MYOM2: variants seen among roughly 807,000 people sequenced by gnomAD.
MYOM2 encodes myomesin-2.
MYOM2 carries 254 observed loss-of-function variants against 187.6 expected under a neutral mutation model. The ratio of observed to expected loss-of-function variants is 1.35; its 90% CI spans 1.22 to 1.50. The LOEUF (loss-of-function observed/expected upper bound fraction) is 1.50. Ranked by LOEUF, MYOM2 falls within the 40% of genes most tolerant of loss-of-function variation. MYOM2 has a pLI of 0.00. For synonymous variants in MYOM2, 981 were observed against 753.8 expected (o/e 1.30, Z -4.94); for missense variants, 2,796 against 1,924.0 (o/e 1.45, Z -8.48).
chr8:2,124,297 A>T (rs977209164), intron 31 of MYOM2, 80 bp downstream of exon 31: 3 of 1,396,222 alleles, frequency 2.1e-6, no homozygotes, highest in Admixed American at 1.9e-5. Context: ...CACTGCTGCA[A>T]AAGAGGGCAC....
chr8:2,074,483 A>C (rs1450146275), intron 10 of MYOM2, among the ~76,000 whole-genome samples: 1 of 151,898 alleles, frequency 6.6e-6, no homozygotes, highest in Non-Finnish European at 1.5e-5. Flanking sequence ...GAGATGGATT[A>C]ACACTCTGTC....
intron 8 of MYOM2, among the ~76,000 whole-genome samples, chr8:2,070,916 G>A (rs1046116746): frequency 6.6e-6 from 1 of 152,074 alleles, no homozygotes; most frequent in Non-Finnish European, 1.5e-5. Flanking sequence ...GCTCCTGCCC[G>A]TCTCCCACAC....
At position 2,069,864 on chromosome 8, in the gene MYOM2, C is replaced by T. The variant is rs149281521; in HGVS notation, c.793+367C>T. Among the ~76,000 whole-genome samples the T allele has an allele frequency of 7.8e-3, 1,187 of 152,328 alleles. 20 individuals carry two copies. Among genetic ancestry groups the T allele is most frequent in the African/African-American group, 0.027 (1,105 of 41,584 alleles). On this transcript the variant is annotated intron_variant, in intron 8 of 36. Coordinates refer to ENST00000262113, the MANE Select transcript of MYOM2 (RefSeq NM_003970.4). Reference sequence around the variant, plus strand: ...TTTTTGAACTGGAAAAAAAGAGACACATCCAAATTCTTGACCTGAATGCAT... The same window carrying T: ...TTTTTGAACTGGAAAAAAAGAGACATATCCAAATTCTTGACCTGAATGCAT...
intron 36 of MYOM2, 127 bp downstream of exon 36, chr8:2,143,583 A>T: frequency 1.7e-6 from 2 of 1,151,694 alleles, no homozygotes; most frequent in Non-Finnish European, 2.6e-6. Context: ...CCTGCAGGGA[A>T]CCCAGAGTCC....
intron 8 of MYOM2, among the ~76,000 whole-genome samples, chr8:2,070,293 C>T (rs1446309117): frequency 6.6e-6 from 1 of 152,278 alleles, no homozygotes; most frequent in East Asian, 1.9e-4. Context: ...CTTAGTTGCT[C>T]TGGGCCACGT....
rs763685283 is a variant in MYOM2, at chr8:2,124,178, G to T, written c.3656-1G>T. ...TGGTGCGTATCCCTTCTCATTTTCA[G>T]TGTATGATGATATGATTTTGGCAAT... On this transcript the variant is annotated splice_acceptor_variant, in intron 30 of 36. Transcript: ENST00000262113. LOFTEE classifies it high-confidence loss of function. 6.2e-7 allele frequency: 1 copy of T among 1,612,248 alleles called. No individual in the cohort carries two copies. The highest frequency in any genetic ancestry group is 8.5e-7 in the Non-Finnish European group (1 of 1,178,910).
At chr8:2,116,335 G>C in intron 27 of MYOM2, 60 bp downstream of exon 27, 3 of 1,488,686 alleles carry the variant, frequency 2.0e-6, no homozygotes, top group Middle Eastern at 1.7e-4. Context: ...GATGATTGGA[G>C]TATTTGTCAG....
In MYOM2 at chr8:2,078,916, A is replaced by T. The variant is rs1461774100; in HGVS notation, c.1445A>T (p.Asp482Val). The change falls in exon 12 of 37, where the codon GAC becomes GTC. Residue 482 changes from aspartate to valine, a missense_variant. By Grantham distance (152) the Asp-to-Val change is radical (BLOSUM62 -3). Coordinates refer to ENST00000262113, the MANE Select transcript of MYOM2 (RefSeq NM_003970.4). ...SDAVAALDPL[D>V]LRRLQAVHLE... ...GCGGTGGCTGCACTTGACCCCTTGGACCTCAGAAGGTTACAAGGTAAGCTG... is the reference window on the plus strand; with the variant it reads ...GCGGTGGCTGCACTTGACCCCTTGGTCCTCAGAAGGTTACAAGGTAAGCTG... The T allele has an allele frequency of 6.2e-7, 1 of 1,613,820 alleles. No homozygotes were observed. The highest frequency in any genetic ancestry group is 1.7e-5 in the Admixed American group (1 of 60,018).
At chr8:2,085,447 A>C (rs59220531) in intron 14 of MYOM2, 57 bp downstream of exon 14, 5 of 1,342,780 alleles carry the variant, frequency 3.7e-6, no homozygotes, top group African/African-American at 2.3e-5. Context: ...CCCCACTGTC[A>C]TGATCTCTGC....
At chr8:2,114,252 C>G (rs1191732878) in intron 25 of MYOM2, among the ~76,000 whole-genome samples, 1 of 152,204 alleles carries the variant, frequency 6.6e-6, no homozygotes, top group African/African-American at 2.4e-5. Flanking sequence ...ATCACCAAAG[C>G]AGCAGAGAGG....
chr8:2,131,622 C>T (rs1797871075), intron 32 of MYOM2, among the ~76,000 whole-genome samples: 2 of 149,180 alleles, frequency 1.3e-5, no homozygotes, highest in Non-Finnish European at 3.0e-5. Flanking sequence ...ATTCATTATA[C>T]AACAAAACAG....
chr8:2,055,981 G>T (rs973913419), intron 3 of MYOM2, among the ~76,000 whole-genome samples: 1 of 152,118 alleles, frequency 6.6e-6, no homozygotes, highest in East Asian at 1.9e-4. Context: ...TTCCCAGGCC[G>T]TCTGTGCAGC....
intron 32 of MYOM2, among the ~76,000 whole-genome samples, chr8:2,138,423 G>A (rs117690790): frequency 0.028 from 4,223 of 152,270 alleles, 60 homozygotes; most frequent in Middle Eastern, 0.048. Context: ...GGTCAGCAAC[G>A]TATAGAATTC....
chr8:2,118,176 G>A (rs1797310731), intron 28 of MYOM2, among the ~76,000 whole-genome samples: 1 of 152,098 alleles, frequency 6.6e-6, no homozygotes, highest in Admixed American at 6.6e-5. Context: ...ACAGTGTAGT[G>A]GGATGCAATG....
At chr8:2,081,049 C>T (rs1236043998) in intron 13 of MYOM2, among the ~76,000 whole-genome samples, 2 of 142,476 alleles carry the variant, frequency 1.4e-5, no homozygotes, top group African/African-American at 2.7e-5. Context: ...CAGCCCAGCC[C>T]GTGCAGAATG....
chr8:2,128,124 G>T (rs1322030192), intron 31 of MYOM2, among the ~76,000 whole-genome samples: 1 of 152,002 alleles, frequency 6.6e-6, no homozygotes, highest in Non-Finnish European at 1.5e-5. Flanking sequence ...CATGGTTTAA[G>T]CTCTTTTCTA....
chr8:2,110,375 G>C (rs566743590), intron 25 of MYOM2, among the ~76,000 whole-genome samples: 2 of 152,192 alleles, frequency 1.3e-5, no homozygotes, highest in African/African-American at 4.8e-5. Flanking sequence ...ACACCGCCTC[G>C]GTTCTGCTTT....
chr8:2,061,900 C>T (rs1165705619), intron 6 of MYOM2, among the ~76,000 whole-genome samples: 3 of 152,206 alleles, frequency 2.0e-5, no homozygotes, highest in Non-Finnish European at 4.4e-5. Flanking sequence ...AAGGATGCCG[C>T]CTTCCAGGTC....
At chr8:2,125,016 G>C (rs1478030929) in intron 31 of MYOM2, among the ~76,000 whole-genome samples, 1 of 152,050 alleles carries the variant, frequency 6.6e-6, no homozygotes, top group Non-Finnish European at 1.5e-5. Context: ...CTTGAATATA[G>C]TTTCTCCCAA....
Sources: allele counts gnomAD v4.1 joint callset (sites outside exome capture counted in the v4.1 genomes callset), GRCh38; gene constraint gnomAD v4.1.1; transcripts MANE v1.5; gene names NCBI Gene and HGNC (gene_info 2026-07-23, HGNC 2026-07-21).